The following CFDP1 variants were observed in gnomAD, a reference collection of about 807,000 sequenced individuals.
The protein encoded by CFDP1 is chromatin remodeling protein CFDP1, also known as heterochromatin-stabilizing protein CFDP1.
In CFDP1, 31 loss-of-function variants were observed where a neutral mutation model predicts 40.1. The ratio of observed to expected loss-of-function variants is 0.77; its 90% confidence interval spans 0.58 to 1.04. The LOEUF (loss-of-function observed/expected upper bound fraction) is 1.04, where lower values mean the gene tolerates loss of function less well. Ranked by LOEUF, CFDP1 falls within the 50% of genes least tolerant of loss-of-function variation. The pLI is 0.00. For missense variants in CFDP1, 423 were observed against 343.4 expected (o/e 1.23, Z -1.83); for synonymous variants, 167 against 120.0 (o/e 1.39, Z -2.56).
chr16:75,411,454 T>A (rs1325057802), intron 4 of CFDP1, among the ~76,000 whole-genome samples: 2 of 152,138 alleles, frequency 1.3e-5, no homozygotes. Context: ...CTCCTTGTAT[T>A]TTCAATTATT....
At chr16:75,309,624 T>C (rs1344082627) in intron 5 of CFDP1, among the ~76,000 whole-genome samples, 1 of 151,916 alleles carries the variant, frequency 6.6e-6, no homozygotes, top group African/African-American at 2.4e-5. Flanking sequence ...ATCGAGACCA[T>C]CCTGCCTAAC....
At chr16:75,424,442 T>A (rs1372955334) in intron 1 of CFDP1, among the ~76,000 whole-genome samples, 2 of 152,144 alleles carry the variant, frequency 1.3e-5, no homozygotes, top group Admixed American at 1.3e-4. Flanking sequence ...AAAACACTAG[T>A]TTCTTTTCCC....
intron 5 of CFDP1, chr16:75,372,432 G>A (rs1015231989): frequency 1.3e-5 from 2 of 152,164 alleles, no homozygotes; most frequent in Non-Finnish European, 2.9e-5. Context: ...TGCTGCCAAA[G>A]GATCCAGATC....
Position 75,338,589 on chromosome 16 carries a change from G to A in CFDP1, c.651-33407C>T, listed in dbSNP as rs957281831. Among the ~76,000 whole-genome samples, 18 of 152,184 alleles carry A rather than the reference G, an allele frequency of 1.2e-4. 1 individual carries two copies. Among genetic ancestry groups the A allele is most frequent in the African/African-American group, 4.3e-4 (18 of 41,438 alleles). The stretch of plus-strand genomic sequence containing the variant: ...TGCGTCTAGTGATGTCACTGCTGTT[G>A]AGAGCGTGCAGCTGCTCACTTTCCA... On this transcript the variant is annotated intron_variant, in intron 5 of 6. Transcript: ENST00000283882.
intron 5 of CFDP1, among the ~76,000 whole-genome samples, chr16:75,309,637 G>A (rs984969509): frequency 6.6e-6 from 1 of 151,912 alleles, no homozygotes; most frequent in Non-Finnish European, 1.5e-5. Flanking sequence ...TGCCTAACAC[G>A]GTGAAACCCC....
intron 5 of CFDP1, among the ~76,000 whole-genome samples, chr16:75,326,390 T>A (rs72804154): frequency 0.066 from 10,090 of 152,256 alleles, 361 homozygotes; most frequent in Middle Eastern, 0.13. Flanking sequence ...CAATACTCAG[T>A]CAACTGAACA....
intron 5 of CFDP1, chr16:75,372,130 C>T (rs1216906010): frequency 6.6e-6 from 1 of 152,118 alleles, no homozygotes; most frequent in Non-Finnish European, 1.5e-5. Flanking sequence ...CTACCTATTT[C>T]TAAAAAAGGA....
At chr16:75,307,279 G>A (rs1026348088) in intron 5 of CFDP1, among the ~76,000 whole-genome samples, 6 of 151,958 alleles carry the variant, frequency 3.9e-5, no homozygotes, top group African/African-American at 1.2e-4. Flanking sequence ...GCAGATGCGT[G>A]ATCTCGGCTC....
intron 5 of CFDP1, among the ~76,000 whole-genome samples, chr16:75,328,190 C>A (rs868099298): frequency 1.4e-4 from 19 of 137,628 alleles, no homozygotes; most frequent in Middle Eastern, 4.3e-3. Context: ...CACTATGTTG[C>A]CCAGGCTGGT....
chr16:75,401,935 C>T lies in CFDP1; in HGVS notation c.531-6726G>A, dbSNP rs150843411. 3.5e-3 allele frequency among the ~76,000 whole-genome samples: 528 copies of T among 152,262 alleles called. 2 individuals carry two copies. Among genetic ancestry groups the T allele is most frequent in the African/African-American group, 0.012 (492 of 41,560 alleles). ...ACCATGAAAGCAAGTCATTGTAATACATGATATATAGTAAGTGGCATAAAA... is the reference window on the plus strand; with the variant it reads ...ACCATGAAAGCAAGTCATTGTAATATATGATATATAGTAAGTGGCATAAAA... On this transcript the variant is annotated intron_variant, in intron 4 of 6. Coordinates refer to ENST00000283882, the MANE Select transcript of CFDP1 (RefSeq NM_006324.3).
chr16:75,316,823 G>T (rs2078326117), intron 5 of CFDP1, among the ~76,000 whole-genome samples: 2 of 151,804 alleles, frequency 1.3e-5, no homozygotes, highest in Non-Finnish European at 2.9e-5. Flanking sequence ...TATAAAATTA[G>T]CCGGGCGTGG....
chr16:75,294,717 A>G (rs938027143), intron 6 of CFDP1, among the ~76,000 whole-genome samples: 1 of 152,058 alleles, frequency 6.6e-6, no homozygotes, highest in African/African-American at 2.4e-5. Flanking sequence ...TGCTAAGATG[A>G]CAGGAGAACT....
intron 5 of CFDP1, among the ~76,000 whole-genome samples, chr16:75,347,360 AAAAAG>A (rs1264188239): frequency 5.7e-5 from 1 of 17,664 alleles, no homozygotes; most frequent in African/African-American, 2.2e-4. Flanking sequence ...AAAAAAAAAA[AAAAAG>A]AAAAAGAAAA....
At chr16:75,365,762 G>A (rs546561282) in intron 5 of CFDP1, among the ~76,000 whole-genome samples, 1 of 152,198 alleles carries the variant, frequency 6.6e-6, no homozygotes, top group South Asian at 2.1e-4. Flanking sequence ...ATTCATCAGA[G>A]AAGATATACA....
At chr16:75,399,839 C>T (rs1286599656) in intron 4 of CFDP1, among the ~76,000 whole-genome samples, 21 of 152,084 alleles carry the variant, frequency 1.4e-4, no homozygotes, top group African/African-American at 4.8e-4. Flanking sequence ...TGGTGGCTCA[C>T]GCCTGTAACC....
chr16:75,426,133 C>CTGAGGT (rs1365624561), intron 1 of CFDP1, among the ~76,000 whole-genome samples: 3 of 149,592 alleles, frequency 2.0e-5, no homozygotes, highest in Non-Finnish European at 4.4e-5. Flanking sequence ...GGCGGATCAC[C>CTGAGGT]TGAGGTTGGG....
intron 1 of CFDP1, 134 bp downstream of exon 1, chr16:75,433,155 G>C: frequency 2.6e-6 from 2 of 784,162 alleles, no homozygotes; most frequent in Non-Finnish European, 4.1e-6. Context: ...GGGGCCTGAG[G>C]GAGCGGACGC....
chr16:75,310,682 C>T (rs2078288896), intron 5 of CFDP1, among the ~76,000 whole-genome samples: 1 of 152,116 alleles, frequency 6.6e-6, no homozygotes, highest in Non-Finnish European at 1.5e-5. Context: ...GTAGCAAGAG[C>T]ACTGTTCTAT....
In CFDP1 at chr16:75,302,533, G is replaced by A. The variant is rs1050358505; in HGVS notation, c.809+2491C>T. Among the ~76,000 whole-genome samples, 19 of 152,210 alleles carry A rather than the reference G, an allele frequency of 1.2e-4. 1 individual carries two copies. The highest frequency in any genetic ancestry group is 3.3e-4 in the Admixed American group (5 of 15,290). ...CCCAAAGTGCTGGGATTGCAGGAGTGAGCCACTGCTCCCAACACTCCTTAC... is the reference window on the plus strand; with the variant it reads ...CCCAAAGTGCTGGGATTGCAGGAGTAAGCCACTGCTCCCAACACTCCTTAC... On this transcript the variant is annotated intron_variant, in intron 6 of 6. Transcript: ENST00000283882.
Sources: gnomAD v4.1 joint callset for allele counts (sites outside exome capture counted in the v4.1 genomes callset) on GRCh38, gnomAD v4.1.1 for gene constraint, MANE v1.5 for transcripts, NCBI Gene and HGNC (gene_info 2026-07-23, HGNC 2026-07-21) for gene names.